FNTB: variants seen among roughly 807,000 people sequenced by gnomAD.
The protein encoded by FNTB is protein farnesyltransferase subunit beta.
In FNTB, 27 loss-of-function variants were observed where a neutral mutation model predicts 59.4. That is an observed-to-expected ratio of 0.45 (90% CI 0.34 to 0.63). FNTB has a LOEUF of 0.63. Among genes scored for constraint, FNTB ranks in the 20% least tolerant of loss-of-function variants. FNTB has a pLI of 0.02. For missense variants in FNTB, 449 were observed against 559.6 expected (o/e 0.80, Z 1.99); for synonymous variants, 230 against 220.7 (o/e 1.04, Z -0.37).
intron 3 of FNTB, among the ~76,000 whole-genome samples, chr14:65,013,432 A>G (rs2061716150): frequency 6.6e-6 from 1 of 151,976 alleles, no homozygotes; most frequent in Non-Finnish European, 1.5e-5. Flanking sequence ...TCCATGGGCT[A>G]GATTTGGCCT....
intron 3 of FNTB, 131 bp from the exon 4 acceptor site, chr14:65,015,494 G>T: frequency 1.9e-6 from 1 of 523,748 alleles, no homozygotes; most frequent in South Asian, 3.5e-5. Flanking sequence ...TTTATTCACT[G>T]ATTGTTGTTT....
chr14:65,008,845 A>C (rs1054441805), intron 2 of FNTB, among the ~76,000 whole-genome samples: 2 of 152,190 alleles, frequency 1.3e-5, no homozygotes, highest in African/African-American at 4.8e-5. Context: ...TACCCAGTAC[A>C]CATAGATGTG....
At chr14:65,043,243 A>G (rs1449916541) in intron 8 of FNTB, among the ~76,000 whole-genome samples, 1 of 152,208 alleles carries the variant, frequency 6.6e-6, no homozygotes, top group Non-Finnish European at 1.5e-5. Flanking sequence ...GACCAAACCC[A>G]TGACTATCTT....
In FNTB at chr14:65,029,510, T is replaced by G. The variant is rs769013599; in HGVS notation, c.605+1729T>G. 3.3e-5 allele frequency among the ~76,000 whole-genome samples: 5 copies of G among 152,250 alleles called. No individual in the cohort carries two copies. The highest frequency in any genetic ancestry group is 5.9e-5 in the Non-Finnish European group (4 of 68,040). The stretch of plus-strand genomic sequence containing the variant: ...TCAAGGGTCTGTAGTTCCAGTGTAT[T>G]GTAAAAAATCAAATCACAGTGAACT... On this transcript the variant is annotated intron_variant, in intron 6 of 11. Transcript: ENST00000246166. This position sits in a 1 kb window ranked among gnomAD's most constrained non-coding sequence, Gnocchi z 4.7.
intron 2 of FNTB, among the ~76,000 whole-genome samples, chr14:65,006,453 C>T (rs2061592435): frequency 6.6e-6 from 1 of 152,176 alleles, no homozygotes; most frequent in Admixed American, 6.5e-5. Context: ...ATTTAAATAG[C>T]TTGGGAGAAC....
intron 9 of FNTB, among the ~76,000 whole-genome samples, chr14:65,046,601 C>T (rs2062485739): frequency 6.6e-6 from 1 of 152,130 alleles, no homozygotes; most frequent in Non-Finnish European, 1.5e-5. Flanking sequence ...GGGAGAAGGC[C>T]TGTGTTGTCT....
At chr14:65,055,757 T>TA (rs1199704005) in intron 11 of FNTB, among the ~76,000 whole-genome samples, 2 of 152,178 alleles carry the variant, frequency 1.3e-5, no homozygotes, top group Non-Finnish European at 2.9e-5. Context: ...CCTCAAGTGA[T>TA]ATGCCTGCCT....
intron 1 of FNTB, chr14:64,987,300 G>A (rs985188971): frequency 3.7e-5 from 23 of 617,790 alleles, no homozygotes; most frequent in African/African-American, 3.5e-4. Flanking sequence ...GGGAAGGGTC[G>A]TTTCAAGGTT....
intron 4 of FNTB, among the ~76,000 whole-genome samples, chr14:65,022,851 A>G (rs959553724): frequency 2.0e-5 from 3 of 152,018 alleles, no homozygotes; most frequent in East Asian, 1.9e-4. Context: ...TTTTCCTGCT[A>G]TGTTCCTAGT....
In FNTB at chr14:65,044,565, G is replaced by T. The variant is rs2062432738; in HGVS notation, c.955+122G>T. Reference sequence around the variant, plus strand: ...GAGCTCTGTCTATCCTGGATTTTGAGTGCCCAGTGTGGAACCTCATGCCGT... The same window carrying T: ...GAGCTCTGTCTATCCTGGATTTTGATTGCCCAGTGTGGAACCTCATGCCGT... On this transcript the variant is annotated intron_variant, in intron 9 of 11. Transcript: ENST00000246166. This position sits in a 1 kb window ranked among gnomAD's most constrained non-coding sequence, Gnocchi z 5.5. The T allele has an allele frequency of 5.7e-6, 8 of 1,414,898 alleles. No homozygotes were observed. The highest frequency in any genetic ancestry group is 7.5e-6 in the Non-Finnish European group (8 of 1,068,968). 87.6% of individuals were successfully genotyped at this position (1,414,898 alleles called of 1,614,324 possible).
intron 11 of FNTB, among the ~76,000 whole-genome samples, chr14:65,057,542 T>C (rs760661375): frequency 2.2e-4 from 33 of 152,132 alleles, no homozygotes; most frequent in Non-Finnish European, 3.8e-4. Flanking sequence ...ACTTAAGGAA[T>C]CTCTACCATT....
At chr14:65,020,131 GT>G in intron 4 of FNTB, among the ~76,000 whole-genome samples, 1 of 152,206 alleles carries the variant, frequency 6.6e-6, no homozygotes. Flanking sequence ...GCTTCTATTT[GT>G]TTAGGGAACA....
At chr14:65,046,814 T>G (rs1389255703) in intron 9 of FNTB, among the ~76,000 whole-genome samples, 1 of 151,688 alleles carries the variant, frequency 6.6e-6, no homozygotes, top group East Asian at 1.9e-4. Context: ...AAAAAATTCA[T>G]AGAAAGTATC....
At chr14:65,006,114 G>C (rs1223073664) in intron 2 of FNTB, 1 of 1,592,802 alleles carries the variant, frequency 6.3e-7, no homozygotes, top group South Asian at 1.1e-5. Context: ...CTGCTTACTG[G>C]AACATTATAA....
chr14:64,995,006 A>G (rs1888340691), intron 1 of FNTB, among the ~76,000 whole-genome samples: 1 of 152,230 alleles, frequency 6.6e-6, no homozygotes, highest in Admixed American at 6.5e-5. Flanking sequence ...CTGTACAAAA[A>G]TATTTTCTGT....
chr14:65,055,939 G>A (rs976705653), intron 11 of FNTB, among the ~76,000 whole-genome samples: 2 of 152,042 alleles, frequency 1.3e-5, no homozygotes, highest in African/African-American at 2.4e-5. Context: ...GCTTTTCCAG[G>A]CCCTAATTAT....
At chr14:65,059,917 TCCG>T (rs2062823648) in intron 11 of FNTB, among the ~76,000 whole-genome samples, 1 of 147,072 alleles carries the variant, frequency 6.8e-6, no homozygotes, top group Non-Finnish European at 1.5e-5. Context: ...CACTGCAACC[TCCG>T]CCTCCCGGGT....
chr14:65,053,483 T>C (rs1295396574), intron 10 of FNTB, 134 bp downstream of exon 10: 1 of 767,062 alleles, frequency 1.3e-6, no homozygotes, highest in South Asian at 6.8e-5. Context: ...CTAGGTTGTA[T>C]GGGAAAAAGC....
intron 3 of FNTB, 181 bp from the exon 4 acceptor site, chr14:65,015,444 T>A (rs2061754420): frequency 6.3e-6 from 2 of 318,288 alleles, no homozygotes; most frequent in East Asian, 4.7e-5. Context: ...TAACAGATGG[T>A]CATTTCAGCT....
Sources: gnomAD v4.1 joint callset for allele counts (sites outside exome capture counted in the v4.1 genomes callset) on GRCh38, gnomAD v4.1.1 for gene constraint, Gnocchi (gnomAD v3.1) non-coding constraint, MANE v1.5 for transcripts, NCBI Gene and HGNC (gene_info 2026-07-23, HGNC 2026-07-21) for gene names.